ARPP21: variants seen among roughly 807,000 people sequenced by gnomAD.
The protein encoded by ARPP21 is cAMP regulated phosphoprotein 21, also known as cAMP-regulated phosphoprotein 21.
Under a neutral mutation model 113.2 loss-of-function variants are expected in ARPP21, and 69 were observed. The observed-to-expected ratio is 0.61, with a 90% CI of 0.50 to 0.74. The LOEUF is 0.74. ARPP21 is among the 30% of genes least tolerant of loss of function. The pLI is 0.00. For missense variants in ARPP21, 1,070 were observed against 1,037.4 expected (o/e 1.03, Z -0.43); for synonymous variants, 368 against 375.5 (o/e 0.98, Z 0.23).
Position 35,683,828 on chromosome 3 carries a change from GC to G in ARPP21, c.261+15del. 1 of 1,265,248 alleles carries G rather than the reference GC, an allele frequency of 7.9e-7. No homozygotes were observed. Among genetic ancestry groups the G allele is most frequent in the Non-Finnish European group, 1.2e-6 (1 of 864,064 alleles). The allele number at this position is 1,265,248 out of a possible 1,614,324, so 78.4% of individuals were successfully genotyped here. On this transcript the variant is annotated intron_variant, in intron 5 of 20. Coordinates refer to ENST00000684406, the MANE Select transcript of ARPP21 (RefSeq NM_001385562.1). ...TCTTCAGGATCAGGTATATCCCCTT[GC>G]CATTATCATTAATTGCATGAATGGG...
rs1404044649 is a variant in ARPP21, at chr3:35,683,787, G to C, written c.233G>C (p.Arg78Thr). The C allele has an allele frequency of 1.3e-6, 2 of 1,549,898 alleles. No homozygotes were observed. The highest frequency in any genetic ancestry group is 1.1e-5 in the South Asian group (1 of 89,188). Reference protein sequence around the residue: ...SLAVCEESSARPGGESLQDQE... With the variant: ...SLAVCEESSATPGGESLQDQE... ...GCTGTCTGTGAGGAATCTTCTGCCA[G>C]ACCAGGAGGTGAAAGTCTTCAGGAT... The change falls in exon 5 of 21, where the codon AGA (arginine) becomes ACA (threonine). Residue 78 changes from arginine to threonine, a missense_variant. Transcript: ENST00000684406.
At chr3:35,710,184 A>C (rs969522873) in intron 11 of ARPP21, among the ~76,000 whole-genome samples, 3 of 152,132 alleles carry the variant, frequency 2.0e-5, no homozygotes, top group Admixed American at 6.5e-5. Flanking sequence ...TCCAGCTAAG[A>C]GCTCTGAAAT....
rs118058321 is a variant in ARPP21, at chr3:35,644,055, A to G, written c.-213+3657A>G. On this transcript the variant is annotated intron_variant, in intron 1 of 20. Transcript: ENST00000684406. ...CTACATTTCTGTGGACTTGTATTTT[A>G]TTTTTTATTCTAGCATTTTATGTTA... Among the ~76,000 whole-genome samples, 32 of 151,930 alleles carry G rather than the reference A, an allele frequency of 2.1e-4. No individual in the cohort carries two copies. In the East Asian group the frequency reaches 5.6e-3, roughly 27 times the overall value.
At chr3:35,666,227 G>C (rs1046385588) in intron 1 of ARPP21, among the ~76,000 whole-genome samples, 2 of 152,016 alleles carry the variant, frequency 1.3e-5, no homozygotes, top group African/African-American at 4.8e-5. Context: ...TGGAGTTATA[G>C]GGTATTCCCA....
At chr3:35,749,430 G>GTA in intron 19 of ARPP21, among the ~76,000 whole-genome samples, 1 of 36,518 alleles carries the variant, frequency 2.7e-5, no homozygotes, top group South Asian at 7.3e-4. Context: ...ATTCCTAAAA[G>GTA]CAAAAAAAAA....
chr3:35,760,491 G>A (rs1326515986), intron 19 of ARPP21, among the ~76,000 whole-genome samples: 3 of 151,938 alleles, frequency 2.0e-5, no homozygotes, highest in African/African-American at 7.2e-5. Context: ...AATCACCACA[G>A]ATGGCTTTAT....
intron 19 of ARPP21, among the ~76,000 whole-genome samples, chr3:35,762,724 G>A (rs2095828324): frequency 6.6e-6 from 1 of 152,048 alleles, no homozygotes; most frequent in African/African-American, 2.4e-5. Flanking sequence ...AAAAAGGAGG[G>A]TTCTAAGACG....
At chr3:35,702,720 C>G (rs1362608053) in intron 9 of ARPP21, among the ~76,000 whole-genome samples, 1 of 151,612 alleles carries the variant, frequency 6.6e-6, no homozygotes, top group African/African-American at 2.4e-5. Context: ...TAGCACTGCA[C>G]ATATTAAGTT....
intron 11 of ARPP21, among the ~76,000 whole-genome samples, chr3:35,711,647 A>G (rs568854441): frequency 1.3e-5 from 2 of 152,268 alleles, no homozygotes; most frequent in African/African-American, 2.4e-5. Flanking sequence ...TAAGCTGTCA[A>G]CTGGGGCTGC....
chr3:35,720,006 C>T (rs1235209055), intron 13 of ARPP21, among the ~76,000 whole-genome samples: 3 of 152,170 alleles, frequency 2.0e-5, no homozygotes, highest in African/African-American at 7.2e-5. Flanking sequence ...TCTCCCAAGG[C>T]TTTCTTGAAT....
intron 19 of ARPP21, among the ~76,000 whole-genome samples, chr3:35,779,440 T>A (rs1423972175): frequency 6.6e-6 from 1 of 152,132 alleles, no homozygotes; most frequent in East Asian, 1.9e-4. Context: ...TGTCCCTGAT[T>A]TATGAGAAAT....
At chr3:35,726,357 C>T (rs2093536409) in intron 14 of ARPP21, among the ~76,000 whole-genome samples, 1 of 152,198 alleles carries the variant, frequency 6.6e-6, no homozygotes, top group South Asian at 2.1e-4. Flanking sequence ...TATGGCTCTC[C>T]CTGGCCTTGG....
intron 11 of ARPP21, among the ~76,000 whole-genome samples, chr3:35,711,125 G>T (rs1004365104): frequency 5.9e-5 from 9 of 152,162 alleles, no homozygotes; most frequent in African/African-American, 1.9e-4. Flanking sequence ...CCCTTTGGTA[G>T]CCTCCCTAGT....
chr3:35,729,410 T>G lies in ARPP21; in HGVS notation c.1333T>G (p.Cys445Gly). 6.2e-7 allele frequency: 1 copy of G among 1,614,182 alleles called. No homozygotes were observed. The highest frequency in any genetic ancestry group is 8.5e-7 in the Non-Finnish European group (1 of 1,180,034). Residue 445 changes from cysteine to glycine, a missense_variant, in exon 15 of 21, where the codon TGT (cysteine) becomes GGT (glycine). Cys to Gly is a radical substitution (Grantham distance 159). Transcript: ENST00000684406. ...VSGVAAGSPG[C>G]VPYPENGIGG... is the part of the protein sequence containing the mutation. ...AGGTGTGGCAGCTGGCTCTCCAGGC[T>G]GTGTGCCTTATCCAGAGAATGGAAT...
intron 1 of ARPP21, chr3:35,651,850 A>G (rs958416936): frequency 6.6e-6 from 1 of 152,088 alleles, no homozygotes; most frequent in East Asian, 1.9e-4. Context: ...GAATGTTTTC[A>G]TGATGTGGCA....
At chr3:35,698,142 C>T (rs1295119985) in intron 9 of ARPP21, among the ~76,000 whole-genome samples, 5 of 151,590 alleles carry the variant, frequency 3.3e-5, no homozygotes, top group Admixed American at 2.0e-4. Flanking sequence ...CAAGACACTT[C>T]GTTTTTTAAT....
chr3:35,645,005 T>C (rs1227425550), intron 1 of ARPP21, among the ~76,000 whole-genome samples: 1 of 151,934 alleles, frequency 6.6e-6, no homozygotes, highest in Non-Finnish European at 1.5e-5. Context: ...CATTAAAATG[T>C]TGAAGCATTA....
rs1308963809 is a variant in ARPP21, at chr3:35,771,609, A to G, written c.2138-20773A>G. 2.6e-5 allele frequency among the ~76,000 whole-genome samples: 4 copies of G among 152,250 alleles called. No homozygotes were observed. The East Asian group carries it at 7.7e-4, about 29-fold the overall frequency. Reference sequence around the variant, plus strand: ...CTCCCAAAGTGCTGGGATTACAGGCATGAGCCACCGTGCCTGGACAGGAGG... The same window carrying G: ...CTCCCAAAGTGCTGGGATTACAGGCGTGAGCCACCGTGCCTGGACAGGAGG... On this transcript the variant is annotated intron_variant, in intron 19 of 20. Transcript: ENST00000684406.
At chr3:35,668,932 T>C (rs1057231531) in intron 1 of ARPP21, among the ~76,000 whole-genome samples, 5 of 152,190 alleles carry the variant, frequency 3.3e-5, no homozygotes, top group African/African-American at 1.2e-4. Flanking sequence ...ATGCTATTCT[T>C]AATATAATAC....
Sources: gnomAD v4.1 joint callset for allele counts (sites outside exome capture counted in the v4.1 genomes callset) on GRCh38, gnomAD v4.1.1 for gene constraint, MANE v1.5 for transcripts, NCBI Gene and HGNC (gene_info 2026-07-23, HGNC 2026-07-21) for gene names.